CSMD3: variants seen among roughly 807,000 people sequenced by gnomAD.
The protein encoded by CSMD3 is CUB and Sushi multiple domains 3, also known as CUB and sushi domain-containing protein 3.
CSMD3 carries 177 observed loss-of-function variants against 435.2 expected under a neutral mutation model. The observed-to-expected ratio is 0.41, with a 90% CI of 0.36 to 0.46. CSMD3 has a LOEUF of 0.46. Ranked by LOEUF, CSMD3 falls within the 20% of genes least tolerant of loss-of-function variation. The pLI, the probability that CSMD3 is intolerant of heterozygous loss-of-function variation, is 0.34. For missense variants in CSMD3, 4,265 were observed against 4,504.6 expected (o/e 0.95, Z 1.52); for synonymous variants, 1,656 against 1,520.5 (o/e 1.09, Z -2.07).
chr8:113,389,467 T>TAA (rs138998961), intron 1 of CSMD3, among the ~76,000 whole-genome samples: 2,779 of 151,786 alleles, frequency 0.018, 98 homozygotes, highest in African/African-American at 0.061. Flanking sequence ...AAAAAGTGGC[T>TAA]AATGTATTGA....
intron 2 of CSMD3, among the ~76,000 whole-genome samples, chr8:113,282,459 A>T (rs1380138716): frequency 6.6e-6 from 1 of 152,038 alleles, no homozygotes; most frequent in South Asian, 2.1e-4. Context: ...GGAGAATCAA[A>T]TCAAGAACTC....
intron 4 of CSMD3, among the ~76,000 whole-genome samples, chr8:113,126,219 A>G (rs993742230): frequency 1.3e-5 from 2 of 151,934 alleles, no homozygotes; most frequent in Admixed American, 6.6e-5. Flanking sequence ...CAATAAAGCT[A>G]GGCTCCAAAC....
chr8:112,664,938 T>C (rs1020129399), intron 17 of CSMD3, among the ~76,000 whole-genome samples: 9 of 152,174 alleles, frequency 5.9e-5, no homozygotes, highest in Non-Finnish European at 1.5e-5. Context: ...CTAACTAATA[T>C]AGAAAACTAA....
chr8:112,807,537 TAGGA>T (rs982232018), intron 12 of CSMD3, among the ~76,000 whole-genome samples: 2 of 87,266 alleles, frequency 2.3e-5, no homozygotes, highest in African/African-American at 6.9e-5. Context: ...GGTAGGTAGG[TAGGA>T]AATACATGTT....
At chr8:112,574,344 G>A (rs781568234) in intron 23 of CSMD3, among the ~76,000 whole-genome samples, 1 of 151,844 alleles carries the variant, frequency 6.6e-6, no homozygotes, top group African/African-American at 2.4e-5. Context: ...GAGATGTATG[G>A]TGACTCCATC....
At chr8:113,263,148 A>G (rs1373045347) in intron 3 of CSMD3, among the ~76,000 whole-genome samples, 2 of 152,014 alleles carry the variant, frequency 1.3e-5, no homozygotes, top group East Asian at 3.8e-4. Context: ...ACTGCCAGAG[A>G]TCTCTTTGTA....
chr8:112,747,143 T>C (rs2077446068), intron 13 of CSMD3, among the ~76,000 whole-genome samples: 1 of 148,822 alleles, frequency 6.7e-6, no homozygotes, highest in South Asian at 2.1e-4. Context: ...ATTTCTTTTA[T>C]TTCACATCCA....
intron 4 of CSMD3, among the ~76,000 whole-genome samples, chr8:113,161,050 A>C (rs2092029071): frequency 6.6e-6 from 1 of 152,116 alleles, no homozygotes; most frequent in Non-Finnish European, 1.5e-5. Flanking sequence ...TTCTAAATTC[A>C]TACTAGTTAC....
intron 1 of CSMD3, chr8:113,377,258 C>A: frequency 2.6e-6 from 1 of 391,286 alleles, no homozygotes; most frequent in South Asian, 5.5e-5. Context: ...ACCGTGGAGC[C>A]TACCCTCTTA....
intron 5 of CSMD3, among the ~76,000 whole-genome samples, chr8:113,068,273 T>C (rs1588006121): frequency 6.6e-6 from 1 of 152,054 alleles, no homozygotes; most frequent in East Asian, 1.9e-4. Flanking sequence ...CAATTGAAAA[T>C]AAGGAAAATA....
chr8:112,929,289 A>C, intron 9 of CSMD3, among the ~76,000 whole-genome samples: 1 of 149,992 alleles, frequency 6.7e-6, no homozygotes, highest in Admixed American at 6.7e-5. Flanking sequence ...ATGACGAGTT[A>C]GTGGGTGCAG....
intron 1 of CSMD3, among the ~76,000 whole-genome samples, chr8:113,321,258 T>C (rs889568699): frequency 6.6e-6 from 1 of 152,170 alleles, no homozygotes; most frequent in Non-Finnish European, 1.5e-5. Context: ...CTTCTCTCCA[T>C]GTATCTTATA....
intron 13 of CSMD3, among the ~76,000 whole-genome samples, chr8:112,694,286 G>A (rs2076204669): frequency 6.6e-6 from 1 of 152,086 alleles, no homozygotes; most frequent in Non-Finnish European, 1.5e-5. Flanking sequence ...ACAGGAGGAA[G>A]TAGTTTAGGG....
chr8:113,337,259 T>C (rs562768704), intron 1 of CSMD3, among the ~76,000 whole-genome samples: 1 of 152,260 alleles, frequency 6.6e-6, no homozygotes, highest in East Asian at 1.9e-4. Context: ...CAATATTGGC[T>C]TTATATATAA....
chr8:112,734,195 T>A (rs927245188), intron 13 of CSMD3, among the ~76,000 whole-genome samples: 7 of 150,670 alleles, frequency 4.6e-5, no homozygotes, highest in African/African-American at 7.3e-5. Flanking sequence ...AAGTTAAAAA[T>A]ATATATATAC....
chr8:112,450,979 A>G lies in CSMD3; in HGVS notation c.5395+21612T>C, dbSNP rs1037439602. ...ACATGTTTATTACAATGATATTTGCAAAAGGGAAGCAACTTGAATGTCTAG... is the reference window on the plus strand; with the variant it reads ...ACATGTTTATTACAATGATATTTGCGAAAGGGAAGCAACTTGAATGTCTAG... On this transcript the variant is annotated intron_variant, in intron 32 of 70. Transcript: ENST00000297405. 7.9e-4 allele frequency among the ~76,000 whole-genome samples: 121 copies of G among 152,208 alleles called. 1 individual carries two copies. Among genetic ancestry groups the G allele is most frequent in the African/African-American group, 2.5e-3 (104 of 41,472 alleles).
At chr8:112,973,430 T>C (rs1205344939) in intron 7 of CSMD3, among the ~76,000 whole-genome samples, 1 of 151,920 alleles carries the variant, frequency 6.6e-6, no homozygotes, top group Non-Finnish European at 1.5e-5. Flanking sequence ...ACCACTAGAA[T>C]GGGTTTTTCT....
chr8:112,718,056 G>A (rs986156053), intron 13 of CSMD3, among the ~76,000 whole-genome samples: 1 of 152,054 alleles, frequency 6.6e-6, no homozygotes, highest in African/African-American at 2.4e-5. Context: ...TTCTGCACAT[G>A]TATCTCAGAA....
At chr8:113,212,399 T>C (rs1397729616) in intron 3 of CSMD3, among the ~76,000 whole-genome samples, 1 of 152,154 alleles carries the variant, frequency 6.6e-6, no homozygotes, top group East Asian at 1.9e-4. Flanking sequence ...ATAATTCACA[T>C]CTTCCCAAAG....
Sources: gnomAD v4.1 joint callset for allele counts (sites outside exome capture counted in the v4.1 genomes callset) on GRCh38, gnomAD v4.1.1 for gene constraint, MANE v1.5 for transcripts, NCBI Gene and HGNC (gene_info 2026-07-23, HGNC 2026-07-21) for gene names.